ZNF438: variants seen among roughly 807,000 people sequenced by gnomAD.
ZNF438 encodes the protein zinc finger protein 438.
In ZNF438, 25 loss-of-function variants were observed where a neutral mutation model predicts 38.0. The observed-to-expected ratio is 0.66, with a 90% confidence interval of 0.48 to 0.92. The LOEUF (loss-of-function observed/expected upper bound fraction) is 0.92. ZNF438 is among the 40% of genes least tolerant of loss of function. ZNF438 has a pLI of 0.00. For synonymous variants in ZNF438, 372 were observed against 364.1 expected (o/e 1.02, Z -0.25); for missense variants, 1,007 against 999.6 (o/e 1.01, Z -0.10).
chr10:30,973,658 T>C (rs1456922146), intron 1 of ZNF438, among the ~76,000 whole-genome samples: 2 of 152,170 alleles, frequency 1.3e-5, no homozygotes, highest in East Asian at 1.9e-4. Context: ...AATAAAACTT[T>C]TCAACTAATT....
At chr10:30,953,418 A>G (rs948121393) in intron 1 of ZNF438, among the ~76,000 whole-genome samples, 4 of 151,852 alleles carry the variant, frequency 2.6e-5, no homozygotes, top group African/African-American at 9.7e-5. Context: ...AAATTTAAAA[A>G]ATTAAAAAAA....
chr10:30,959,321 T>C (rs1589429950), intron 1 of ZNF438, among the ~76,000 whole-genome samples: 1 of 146,886 alleles, frequency 6.8e-6, no homozygotes, highest in East Asian at 1.9e-4. Flanking sequence ...ATGACCTCCC[T>C]GGGCAAAAGG....
chr10:31,024,927 T>C (rs1204165647), intron 1 of ZNF438, among the ~76,000 whole-genome samples: 1 of 152,192 alleles, frequency 6.6e-6, no homozygotes, highest in African/African-American at 2.4e-5. Context: ...AAAGTCCAGA[T>C]TAAATTAATT....
intron 3 of ZNF438, among the ~76,000 whole-genome samples, chr10:30,900,982 C>T (rs180742047): frequency 5.3e-5 from 8 of 152,268 alleles, no homozygotes; most frequent in Non-Finnish European, 1.5e-5. Flanking sequence ...ATGCAAAAGG[C>T]AGTTCACTAT....
chr10:31,024,557 G>A (rs1182238756), intron 1 of ZNF438, among the ~76,000 whole-genome samples: 2 of 152,180 alleles, frequency 1.3e-5, no homozygotes, highest in Non-Finnish European at 2.9e-5. Flanking sequence ...GAACCCGGGA[G>A]GCGGAGCTTG....
At chr10:31,018,393 G>A (rs1033243152) in intron 1 of ZNF438, among the ~76,000 whole-genome samples, 1 of 152,162 alleles carries the variant, frequency 6.6e-6, no homozygotes, top group African/African-American at 2.4e-5. Context: ...CATATTAACA[G>A]TCTGATTCTT....
rs370986012 is a variant in ZNF438, at chr10:30,957,417, T to C, written c.-191-15766A>G. On this transcript the variant is annotated intron_variant, in intron 1 of 5. Transcript: ENST00000413025. ...TGTAATCCCATTTGTTTATTTTTTCTTTCCTTGTCTGTGCTTTTGAAGTCT... is the reference window on the plus strand; with the variant it reads ...TGTAATCCCATTTGTTTATTTTTTCCTTCCTTGTCTGTGCTTTTGAAGTCT... Among the ~76,000 whole-genome samples the C allele has an allele frequency of 4.9e-4, 75 of 152,340 alleles. 2 individuals carry two copies. The highest frequency in any genetic ancestry group is 1.7e-3 in the African/African-American group (70 of 41,570).
intron 2 of ZNF438, among the ~76,000 whole-genome samples, chr10:30,918,786 C>T (rs1477119500): frequency 6.6e-6 from 1 of 152,122 alleles, no homozygotes; most frequent in East Asian, 1.9e-4. Context: ...TTATAATCCA[C>T]ACACATTTTA....
At chr10:31,015,170 T>C (rs2056091937) in intron 1 of ZNF438, among the ~76,000 whole-genome samples, 1 of 151,074 alleles carries the variant, frequency 6.6e-6, no homozygotes. Flanking sequence ...ACCCAGTCTG[T>C]TACTGTTATT....
intron 1 of ZNF438, among the ~76,000 whole-genome samples, chr10:31,028,683 T>A (rs1431876779): frequency 6.6e-6 from 1 of 152,202 alleles, no homozygotes; most frequent in African/African-American, 2.4e-5. Flanking sequence ...TTTTTCCTCA[T>A]ACCCTGCTCC....
At chr10:30,957,668 A>G (rs957852155) in intron 1 of ZNF438, among the ~76,000 whole-genome samples, 2 of 152,112 alleles carry the variant, frequency 1.3e-5, no homozygotes, top group African/African-American at 2.4e-5. Context: ...CTGTAAATAC[A>G]TGGATTTCTG....
chr10:30,974,100 C>A (rs1022156776), intron 1 of ZNF438, among the ~76,000 whole-genome samples: 1 of 152,210 alleles, frequency 6.6e-6, no homozygotes, highest in African/African-American at 2.4e-5. Context: ...TTTTGAGACA[C>A]ACACATATCC....
At chr10:30,970,745 A>T (rs2050651795) in intron 1 of ZNF438, among the ~76,000 whole-genome samples, 1 of 152,142 alleles carries the variant, frequency 6.6e-6, no homozygotes, top group Admixed American at 6.6e-5. Context: ...ACAATGGAAG[A>T]CTTCTTTCAA....
chr10:31,001,077 T>C (rs763386988), intron 1 of ZNF438, among the ~76,000 whole-genome samples: 8 of 152,204 alleles, frequency 5.3e-5, no homozygotes, highest in South Asian at 2.1e-4. Context: ...CTACAACCCA[T>C]TGCACTCATT....
intron 3 of ZNF438, among the ~76,000 whole-genome samples, chr10:30,905,913 A>G (rs1243277211): frequency 6.6e-6 from 1 of 152,162 alleles, no homozygotes; most frequent in African/African-American, 2.4e-5. Context: ...ATTCTATTCC[A>G]TTGATCTGTA....
chr10:30,848,178 C>A (rs1315224225), intron 5 of ZNF438, among the ~76,000 whole-genome samples: 1 of 152,196 alleles, frequency 6.6e-6, no homozygotes, highest in African/African-American at 2.4e-5. Flanking sequence ...ACATGACAGA[C>A]CCACCCACTC....
chr10:30,958,748 A>T (rs1321056620), intron 1 of ZNF438, among the ~76,000 whole-genome samples: 1 of 146,590 alleles, frequency 6.8e-6, no homozygotes, highest in Non-Finnish European at 1.5e-5. Flanking sequence ...GTTCCCCTCT[A>T]ATCTCCTTGC....
chr10:31,023,425 G>T (rs1282151443), intron 1 of ZNF438, among the ~76,000 whole-genome samples: 1 of 152,066 alleles, frequency 6.6e-6, no homozygotes, highest in Non-Finnish European at 1.5e-5. Flanking sequence ...ATTACCTCTT[G>T]AACTACATAT....
intron 1 of ZNF438, among the ~76,000 whole-genome samples, chr10:30,991,885 G>C (rs191433275): frequency 5.3e-5 from 8 of 152,168 alleles, no homozygotes; most frequent in African/African-American, 1.9e-4. Context: ...ACTGTCACTC[G>C]GGGGCTGAAG....
Sources: allele counts gnomAD v4.1 joint callset (sites outside exome capture counted in the v4.1 genomes callset), GRCh38; gene constraint gnomAD v4.1.1; transcripts MANE v1.5; gene names NCBI Gene and HGNC (gene_info 2026-07-23, HGNC 2026-07-21).